Variants in TMEM71 observed in about 807,000 individuals in gnomAD.
The protein encoded by TMEM71 is transmembrane protein 71.
TMEM71 carries 44 observed loss-of-function variants against 38.0 expected under a neutral mutation model. That is an observed-to-expected ratio of 1.16 (90% CI 0.91 to 1.49). TMEM71 has a LOEUF of 1.49. Among genes scored for constraint, TMEM71 ranks in the 40% most tolerant of loss-of-function variants. TMEM71 has a pLI of 0.00. For missense variants in TMEM71, 367 were observed against 348.6 expected, an observed-to-expected ratio of 1.05 and a Z score of -0.42; for synonymous variants, 133 against 122.5, an observed-to-expected ratio of 1.09 and a Z score of -0.56.
upstream of TMEM71, among the ~76,000 whole-genome samples, chr8:132,761,976 C>T (rs764714031): frequency 6.6e-6 from 1 of 152,172 alleles, no homozygotes; most frequent in Non-Finnish European, 1.5e-5. Context: ...ATCTAATGCT[C>T]GATTGGAACT....
intron 5 of TMEM71, among the ~76,000 whole-genome samples, chr8:132,745,786 G>T (rs1019622093): frequency 6.6e-6 from 1 of 151,588 alleles, no homozygotes; most frequent in Non-Finnish European, 1.5e-5. Flanking sequence ...CATCAACATT[G>T]AATTGAATGA....
At position 132,710,592 on chromosome 8, in the gene TMEM71, AC is replaced by A; in HGVS notation, c.*374del. The A allele has an allele frequency of 2.2e-6, 1 of 454,398 alleles. No homozygotes were observed. 28.1% of individuals were successfully genotyped at this position (454,398 alleles called of 1,614,324 possible). The stretch of plus-strand genomic sequence containing the variant: ...AGCAAGAGATAGGTGCATGTGGCAG[AC>A]CCAGAAATCTGGTTACAAGCTCCTC... On this transcript the variant is annotated 3_prime_UTR_variant, in exon 10 of 10. Transcript: ENST00000677595.
intron 5 of TMEM71, among the ~76,000 whole-genome samples, chr8:132,740,846 G>A (rs931676354): frequency 1.3e-5 from 2 of 152,122 alleles, no homozygotes; most frequent in African/African-American, 4.8e-5. Context: ...TTTTGAACAG[G>A]GGGTCCTGTA....
At chr8:132,742,095 T>C (rs1279988913) in intron 5 of TMEM71, among the ~76,000 whole-genome samples, 1 of 152,244 alleles carries the variant, frequency 6.6e-6, no homozygotes, top group African/African-American at 2.4e-5. Flanking sequence ...CTCCTATCTC[T>C]GTATGGCCTG....
intron 5 of TMEM71, among the ~76,000 whole-genome samples, chr8:132,741,133 G>A (rs1267351748): frequency 1.3e-5 from 2 of 152,180 alleles, no homozygotes; most frequent in African/African-American, 4.8e-5. Flanking sequence ...GGGAGGCTGA[G>A]GCGGGTGGAT....
intron 5 of TMEM71, among the ~76,000 whole-genome samples, chr8:132,746,457 A>G (rs1237743625): frequency 3.5e-4 from 6 of 17,086 alleles, no homozygotes; most frequent in East Asian, 1.6e-3. Context: ...ATATACATAT[A>G]TATATACATA....
chr8:132,734,066 A>G (rs1458571004), intron 5 of TMEM71, among the ~76,000 whole-genome samples: 1 of 152,086 alleles, frequency 6.6e-6, no homozygotes, highest in Non-Finnish European at 1.5e-5. Flanking sequence ...CGCTGGAAGG[A>G]TGAGTTATAG....
intron 5 of TMEM71, among the ~76,000 whole-genome samples, chr8:132,746,236 C>A (rs141245827): frequency 6.7e-6 from 1 of 150,308 alleles, no homozygotes; most frequent in African/African-American, 2.5e-5. Context: ...TGTTTATATA[C>A]ATGTATATAC....
At chr8:132,761,088 G>A (rs939383186), upstream of TMEM71, among the ~76,000 whole-genome samples, 3 of 152,164 alleles carry the variant, frequency 2.0e-5, no homozygotes, top group African/African-American at 7.2e-5. Flanking sequence ...TCTATAGATG[G>A]CATTTTACAT....
intron 7 of TMEM71, among the ~76,000 whole-genome samples, chr8:132,718,492 G>T (rs1184182325): frequency 6.7e-6 from 1 of 149,066 alleles, no homozygotes; most frequent in Non-Finnish European, 1.5e-5. Context: ...CCACCTCCCG[G>T]GTTCACACCA....
At chr8:132,718,401 T>A (rs1297193778) in intron 7 of TMEM71, among the ~76,000 whole-genome samples, 1 of 148,166 alleles carries the variant, frequency 6.7e-6, no homozygotes, top group East Asian at 2.0e-4. Flanking sequence ...ATTTTCTCTT[T>A]TTTTTTTTTT....
At position 132,753,746 on chromosome 8, in the gene TMEM71, T is replaced by G. The variant is rs139508863; in HGVS notation, c.102-1749A>C. On this transcript the variant is annotated intron_variant, in intron 3 of 9. Transcript: ENST00000677595. ...CCAGTCACTTAGCCTCTCAGACTGT[T>G]TCCTTATCTGTAAAACGAGAAAAAA... is the stretch of plus-strand genomic sequence containing the variant. Among the ~76,000 whole-genome samples the G allele has an allele frequency of 6.6e-5, 10 of 152,326 alleles. No individual in the cohort carries two copies. In the East Asian group the frequency reaches 1.9e-3, roughly 29 times the overall value.
rs575941237 is a variant in TMEM71, at chr8:132,731,244, A to G, written c.488-3258T>C. 4.6e-5 allele frequency among the ~76,000 whole-genome samples: 7 copies of G among 152,318 alleles called. No homozygotes were observed. The South Asian group carries it at 1.5e-3, about 32-fold the overall frequency. ...AACTTCTATTGCTAATAGACATTAT[A>G]ATAGATATAGACCCTAGTTACGTGA... On this transcript the variant is annotated intron_variant, in intron 5 of 9. Coordinates refer to ENST00000677595, the MANE Select transcript of TMEM71 (RefSeq NM_001382403.1).
downstream of TMEM71, among the ~76,000 whole-genome samples, chr8:132,707,636 G>A (rs976804762): frequency 6.6e-6 from 1 of 152,112 alleles, no homozygotes; most frequent in South Asian, 2.1e-4. Flanking sequence ...CAGCAAGAAG[G>A]CTCTTGCCAG....
At position 132,721,905 on chromosome 8, in the gene TMEM71, A is replaced by G. The variant is rs1395149671; in HGVS notation, c.752+135T>C. 7.8e-5 allele frequency: 61 copies of G among 780,886 alleles called. 1 individual carries two copies. The highest frequency in any genetic ancestry group is 7.1e-4 in the South Asian group (50 of 70,122). 48.4% of individuals were successfully genotyped at this position (780,886 alleles called of 1,614,324 possible). ...AATGAGAGATAAAGGGAAACTTATC[A>G]TGGACAGACACATGAACGAATCTCA... On this transcript the variant is annotated intron_variant, in intron 7 of 9. Transcript: ENST00000677595.
At chr8:132,712,251 A>T (rs1248546015) in intron 9 of TMEM71, among the ~76,000 whole-genome samples, 1 of 152,274 alleles carries the variant, frequency 6.6e-6, no homozygotes, top group Middle Eastern at 3.4e-3. Context: ...AGAGAAGAAC[A>T]AGTCAAAGTA....
chr8:132,773,667 G>C, the TMEM71 span, among the ~76,000 whole-genome samples: 1 of 152,162 alleles, frequency 6.6e-6, no homozygotes, highest in Non-Finnish European at 1.5e-5. Context: ...AGATGTGGGA[G>C]AAAAGTTTCC....
chr8:132,762,040 C>T (rs1829306088), upstream of TMEM71, among the ~76,000 whole-genome samples: 1 of 152,220 alleles, frequency 6.6e-6, no homozygotes, highest in Non-Finnish European at 1.5e-5. Context: ...CTCCCTGGCC[C>T]ACGCAAACTG....
intron 7 of TMEM71, among the ~76,000 whole-genome samples, chr8:132,714,887 G>GA (rs1368308521): frequency 1.3e-5 from 2 of 151,998 alleles, no homozygotes; most frequent in East Asian, 3.9e-4. Flanking sequence ...CAACCCACTT[G>GA]AAAAAATGAG....
Sources: allele counts gnomAD v4.1 joint callset (sites outside exome capture counted in the v4.1 genomes callset), GRCh38; gene constraint gnomAD v4.1.1; transcripts MANE v1.5; gene names NCBI Gene and HGNC (gene_info 2026-07-23, HGNC 2026-07-21).